Variants in PPP6R1 observed in about 807,000 individuals in gnomAD.
PPP6R1 encodes protein phosphatase 6 regulatory subunit 1.
A neutral mutation model predicts 104.6 loss-of-function variants in PPP6R1; 39 were observed. That is an observed-to-expected ratio of 0.37 (90% CI 0.29 to 0.49). PPP6R1 has a LOEUF of 0.49. PPP6R1 is among the 20% of genes least tolerant of loss of function. The pLI, the probability that PPP6R1 is intolerant of heterozygous loss-of-function variation, is 0.98. For synonymous variants in PPP6R1, 549 were observed against 479.0 expected, an observed-to-expected ratio of 1.15 and a Z score of -1.91; for missense variants, 1,181 against 1,155.8, an observed-to-expected ratio of 1.02 and a Z score of -0.32.
chr19:55,234,196 C>T (rs2087374344), intron 17 of PPP6R1, among the ~76,000 whole-genome samples: 1 of 152,200 alleles, frequency 6.6e-6, no homozygotes, highest in Non-Finnish European at 1.5e-5. Context: ...ATCCATCCAC[C>T]TTGGCCTCCC....
chr19:55,253,877 T>A (rs2087572602), intron 1 of PPP6R1, among the ~76,000 whole-genome samples: 1 of 152,072 alleles, frequency 6.6e-6, no homozygotes, highest in Non-Finnish European at 1.5e-5. Flanking sequence ...GCGCTTGATT[T>A]CTCTGAGTCT....
At position 55,236,224 on chromosome 19, in the gene PPP6R1, G is replaced by A. The variant is rs150119941; in HGVS notation, c.1988+419C>T. The A allele has an allele frequency of 4.0e-3, 661 of 165,346 alleles. 7 individuals carry two copies. Among genetic ancestry groups the A allele is most frequent in the African/African-American group, 0.013 (555 of 41,558 alleles). 10.2% of individuals were successfully genotyped at this position (165,346 alleles called of 1,614,324 possible). ...GACTGGAGTGCAGTGGTATGATCTCGGCTCACTGCAACCTCTGCCTCCCTG... is the reference window on the plus strand; with the variant it reads ...GACTGGAGTGCAGTGGTATGATCTCAGCTCACTGCAACCTCTGCCTCCCTG... On this transcript the variant is annotated intron_variant, in intron 17 of 23. Coordinates refer to ENST00000412770, the MANE Select transcript of PPP6R1 (RefSeq NM_014931.4).
At chr19:55,242,985 G>A (rs1360353471) in intron 5 of PPP6R1, among the ~76,000 whole-genome samples, 1 of 152,210 alleles carries the variant, frequency 6.6e-6, no homozygotes, top group Non-Finnish European at 1.5e-5. Flanking sequence ...TAGTCTGGTG[G>A]TTGCCGGGGG....
At chr19:55,248,799 C>T (rs535577936) in intron 1 of PPP6R1, among the ~76,000 whole-genome samples, 8 of 152,324 alleles carry the variant, frequency 5.3e-5, no homozygotes, top group East Asian at 1.9e-4. Context: ...GCTGACAAAA[C>T]GCAGGACAGA....
downstream of PPP6R1, chr19:55,228,889 C>T (rs2087311670): frequency 1.2e-6 from 1 of 804,798 alleles, no homozygotes; most frequent in Non-Finnish European, 2.0e-6. Flanking sequence ...TGTCCTCACC[C>T]TGGGGATGGC....
At chr19:55,252,054 T>C (rs534068486) in intron 1 of PPP6R1, among the ~76,000 whole-genome samples, 1 of 152,056 alleles carries the variant, frequency 6.6e-6, no homozygotes, top group East Asian at 1.9e-4. Context: ...ATGTGAAGCA[T>C]CCAGAACAGG....
rs2087399939 is a variant in PPP6R1, at chr19:55,236,540, A to G, written c.1988+103T>C. 3.9e-6 allele frequency: 5 copies of G among 1,297,410 alleles called. No individual in the cohort carries two copies. The African/African-American group carries it at 6.0e-5, about 15-fold the overall frequency. 80.4% of individuals were successfully genotyped at this position (1,297,410 alleles called of 1,614,324 possible). A position where few individuals can be genotyped will look rare whatever the true frequency, so the allele number is the denominator to read the frequency against. On this transcript the variant is annotated intron_variant, in intron 17 of 23. Coordinates refer to ENST00000412770, the MANE Select transcript of PPP6R1 (RefSeq NM_014931.4). ...ATACACACACCAATGCAGGTTCCTT[A>G]TTTTCTTCATTCACTTCAGCCTCAG...
intron 1 of PPP6R1, among the ~76,000 whole-genome samples, chr19:55,249,471 C>A (rs1415512946): frequency 6.6e-6 from 1 of 152,126 alleles, no homozygotes; most frequent in Non-Finnish European, 1.5e-5. Flanking sequence ...GAACTCCTAA[C>A]CTCAGGTGAT....
In PPP6R1 at chr19:55,257,889, T is replaced by C. The variant is rs533921306; in HGVS notation, c.-7+546A>G. On this transcript the variant is annotated intron_variant, in intron 1 of 23. Transcript: ENST00000412770. Reference sequence around the variant, plus strand: ...TGAAGCAGGCCCGAGTGGTGGCTGCTCCAGAGAAGCCCCGCTCCCAGGTCC... The same window carrying C: ...TGAAGCAGGCCCGAGTGGTGGCTGCCCCAGAGAAGCCCCGCTCCCAGGTCC... 2.0e-4 allele frequency among the ~76,000 whole-genome samples: 30 copies of C among 152,310 alleles called. No homozygotes were observed. The South Asian group carries it at 4.1e-3, about 21-fold the overall frequency.
intron 17 of PPP6R1, chr19:55,232,752 G>A (rs1429396656): frequency 6.5e-6 from 1 of 153,744 alleles, no homozygotes; most frequent in African/African-American, 2.4e-5. Flanking sequence ...CTGGCTGAAT[G>A]TTGACTAACA....
intron 1 of PPP6R1, 196 bp from the exon 2 acceptor site, chr19:55,247,305 C>G: frequency 1.7e-6 from 1 of 604,634 alleles, no homozygotes; most frequent in Non-Finnish European, 2.9e-6. Flanking sequence ...AGGCTTAAGG[C>G]TCCCAGTGAG....
At chr19:55,250,847 A>G (rs1440351525) in intron 1 of PPP6R1, among the ~76,000 whole-genome samples, 1 of 151,410 alleles carries the variant, frequency 6.6e-6, no homozygotes, top group African/African-American at 2.4e-5. Flanking sequence ...ACTCGACCGC[A>G]GGCGACCCCT....
At chr19:55,239,213 A>G in intron 15 of PPP6R1, 192 bp downstream of exon 15, 1 of 609,750 alleles carries the variant, frequency 1.6e-6, no homozygotes, top group Non-Finnish European at 2.9e-6. Context: ...GCTGGAACTC[A>G]TGTAACAGGA....
downstream of PPP6R1, chr19:55,228,799 A>AG: frequency 6.4e-7 from 1 of 1,569,118 alleles, no homozygotes; most frequent in Admixed American, 1.7e-5. Context: ...CAGGGGGTGG[A>AG]GGGGAGGGCT....
chr19:55,238,312 C>A (rs2122582042), intron 15 of PPP6R1, among the ~76,000 whole-genome samples: 1 of 152,334 alleles, frequency 6.6e-6, no homozygotes, highest in East Asian at 1.9e-4. Flanking sequence ...CACAGGATAT[C>A]ACGTCTGCAT....
chr19:55,258,979 C>T lies in PPP6R1; in HGVS notation c.-551G>A, dbSNP rs935807979. 7 of 152,202 alleles carry T rather than the reference C, an allele frequency of 4.6e-5. 1 individual carries two copies. The highest frequency in any genetic ancestry group is 4.8e-5 in the African/African-American group (2 of 41,458). The allele number at this position is 152,202 out of a possible 1,614,324, so 9.4% of individuals were successfully genotyped here. On this transcript the variant is annotated 5_prime_UTR_variant, in exon 1 of 24. Coordinates refer to ENST00000412770, the MANE Select transcript of PPP6R1 (RefSeq NM_014931.4). ...CCGGGCTCTGCGGCCGGCCTCAGGG[C>T]CTCCGACGCCCGGCTCCCTCCGCCA...
At position 55,245,318 on chromosome 19, in the gene PPP6R1, G is replaced by C. The variant is rs772907965; in HGVS notation, c.499C>G (p.Leu167Val). The change falls in exon 4 of 24, where the codon CTG (leucine) becomes GTG (valine). Residue 167 changes from leucine (L) to valine (V), a missense_variant. By Grantham distance (32) the Leu-to-Val change is conservative. Transcript: ENST00000412770. This position sits in a 1 kb window ranked among gnomAD's most constrained non-coding sequence, Gnocchi z 6.4. ...IGTSAIMDLLLRLLTCVERPQ... is the reference protein window; with the variant it reads ...IGTSAIMDLLVRLLTCVERPQ... ...CGCTCCACACAGGTGAGCAGGCGCA[G>C]CAGGAGGTCCATGATGGCCGAGGTG... The C allele has an allele frequency of 4.4e-6, 7 of 1,608,768 alleles. No individual in the cohort carries two copies. Among genetic ancestry groups the C allele is most frequent in the South Asian group, 3.3e-5 (3 of 90,200 alleles).
Position 55,237,436 on chromosome 19 carries a change from G to A in PPP6R1, c.1752-466C>T, listed in dbSNP as rs1240604070. ...CTCAAGATGTCTACGGTCCGCGGCT[G>A]AAATTCTAAATTATGGGAAAAAGAA... On this transcript the variant is annotated intron_variant, in intron 15 of 23. Transcript: ENST00000412770. Among the ~76,000 whole-genome samples the A allele has an allele frequency of 4.6e-5, 7 of 152,176 alleles. No homozygotes were observed. In the East Asian group the frequency reaches 1.2e-3, roughly 25 times the overall value.
At chr19:55,238,725 AC>A (rs1157302127) in intron 15 of PPP6R1, 1 of 152,126 alleles carries the variant, frequency 6.6e-6, no homozygotes, top group African/African-American at 2.4e-5. Flanking sequence ...CGAACTCCTG[AC>A]CTCAGGTGAT....
Sources: allele counts gnomAD v4.1 joint callset (sites outside exome capture counted in the v4.1 genomes callset), GRCh38; gene constraint gnomAD v4.1.1; non-coding constraint Gnocchi (gnomAD v3.1); transcripts MANE v1.5; gene names NCBI Gene and HGNC (gene_info 2026-07-23, HGNC 2026-07-21).